TMEM182: variants seen among roughly 807,000 people sequenced by gnomAD.
TMEM182 encodes transmembrane protein 182.
Under a neutral mutation model 26.8 loss-of-function variants are expected in TMEM182, and 20 were observed. That is an observed-to-expected ratio of 0.75 (90% CI 0.53 to 1.09). TMEM182 has a LOEUF of 1.09. Ranked by LOEUF, TMEM182 falls within the 50% of genes least tolerant of loss-of-function variation. TMEM182 has a pLI of 0.00. For synonymous variants in TMEM182, 109 were observed against 102.2 expected, an observed-to-expected ratio of 1.07 and a Z score of -0.40; for missense variants, 277 against 275.5, an observed-to-expected ratio of 1.01 and a Z score of -0.04.
At chr2:102,765,020 CATATATAGAACAA>C (rs1420410808) in intron 3 of TMEM182, among the ~76,000 whole-genome samples, 3 of 151,784 alleles carry the variant, frequency 2.0e-5, no homozygotes, top group Admixed American at 2.0e-4. Flanking sequence ...CTATCAATGT[CATATATAGAACAA>C]AAAAGTGTTT....
intron 3 of TMEM182, among the ~76,000 whole-genome samples, chr2:102,770,571 C>T (rs1325763945): frequency 2.6e-5 from 4 of 152,190 alleles, no homozygotes; most frequent in Non-Finnish European, 5.9e-5. Flanking sequence ...AGAGCCAAAC[C>T]CTACCTCAGG....
intron 3 of TMEM182, among the ~76,000 whole-genome samples, chr2:102,823,375 TG>T (rs1682964190): frequency 6.6e-6 from 1 of 152,102 alleles, no homozygotes. Context: ...AACTGTCGCC[TG>T]GGCTGGAGTG....
At chr2:102,754,288 C>G (rs1301446915) in intron 1 of TMEM182, among the ~76,000 whole-genome samples, 1 of 152,188 alleles carries the variant, frequency 6.6e-6, no homozygotes, top group East Asian at 1.9e-4. Context: ...CTAACACCCA[C>G]TCGTGGAACC....
upstream of TMEM182, among the ~76,000 whole-genome samples, chr2:102,757,165 C>A (rs1680067030): frequency 6.6e-6 from 1 of 152,126 alleles, no homozygotes; most frequent in Non-Finnish European, 1.5e-5. Flanking sequence ...ACATGGGGAG[C>A]AGACCTGCTA....
intron 3 of TMEM182, among the ~76,000 whole-genome samples, chr2:102,766,395 A>G (rs1453498818): frequency 6.6e-6 from 1 of 152,180 alleles, no homozygotes; most frequent in Non-Finnish European, 1.5e-5. Context: ...AAATTATCAA[A>G]TTCCTCATTG....
rs778358755 is a variant in TMEM182 at position 102,814,882 on chromosome 2, T to C, written c.604T>C (p.Phe202Leu). ...TPSVLYGWSF[F>L]LAPAGIFFSL... Reference sequence around the variant, plus strand: ...TTCTGTTCTGTATGGCTGGTCATTTTTCCTGGCCCCAGCTGGGATATTTTT... The same window carrying C: ...TTCTGTTCTGTATGGCTGGTCATTTCTCCTGGCCCCAGCTGGGATATTTTT... Residue 202 changes from phenylalanine to leucine, a missense_variant, in exon 5 of 5, where the codon TTC (phenylalanine) becomes CTC (leucine). Phe to Leu is a conservative substitution (Grantham distance 22). Transcript: ENST00000412401. 6.8e-6 allele frequency: 11 copies of C among 1,613,908 alleles called. No individual in the cohort carries two copies. The African/African-American group carries it at 1.3e-4, about 20-fold the overall frequency.
intron 3 of TMEM182, among the ~76,000 whole-genome samples, chr2:102,839,799 C>G (rs1990587): frequency 0.048 from 7,281 of 152,244 alleles, 224 homozygotes; most frequent in Middle Eastern, 0.062. Context: ...GGTGCTATCA[C>G]TCTCAGCGTG....
chr2:102,765,731 G>A (rs75559428), intron 3 of TMEM182, among the ~76,000 whole-genome samples: 1,720 of 152,296 alleles, frequency 0.011, 40 homozygotes, highest in African/African-American at 0.039. Context: ...GGTCTGGATA[G>A]GGAAAGAGGT....
chr2:102,784,636 G>C (rs1343639647), intron 3 of TMEM182, among the ~76,000 whole-genome samples: 1 of 152,188 alleles, frequency 6.6e-6, no homozygotes, highest in Non-Finnish European at 1.5e-5. Flanking sequence ...ATAAAAGAAT[G>C]GCTACTCCAT....
chr2:102,739,216 G>T (rs1679476516), intron 1 of TMEM182, among the ~76,000 whole-genome samples: 1 of 152,170 alleles, frequency 6.6e-6, no homozygotes, highest in Admixed American at 6.5e-5. Flanking sequence ...TTTAAGGTCA[G>T]CAGGAGTGTA....
intron 1 of TMEM182, among the ~76,000 whole-genome samples, chr2:102,745,897 A>G (rs1019499758): frequency 1.3e-5 from 2 of 152,170 alleles, no homozygotes; most frequent in African/African-American, 4.8e-5. Flanking sequence ...GATATTATGA[A>G]TAATGCTGCT....
At chr2:102,771,067 T>C (rs929861568) in intron 3 of TMEM182, among the ~76,000 whole-genome samples, 19 of 152,190 alleles carry the variant, frequency 1.2e-4, no homozygotes, top group Admixed American at 1.2e-3. Context: ...GGTGTTCATG[T>C]ATGGGGATTC....
At chr2:102,773,762 T>C (rs957421100) in intron 3 of TMEM182, among the ~76,000 whole-genome samples, 3 of 152,132 alleles carry the variant, frequency 2.0e-5, no homozygotes, top group Non-Finnish European at 4.4e-5. Context: ...AGAGAGTCCA[T>C]TTAGGAGATT....
In TMEM182 at chr2:102,762,235, T is replaced by C. The variant is rs1558757023; in HGVS notation, c.18T>C (p.Ala6=). 2 of 1,613,388 alleles carry C rather than the reference T, an allele frequency of 1.2e-6. No homozygotes were observed. The highest frequency in any genetic ancestry group is 1.7e-6 in the Non-Finnish European group (2 of 1,179,578). MRLNI[A]IFFGALFGAL... ...AATTGAAAATGAGACTAAATATCGC[T>C]ATCTTCTTTGGAGCTCTCTTTGGTG... is the stretch of plus-strand genomic sequence containing the variant. Residue 6 remains alanine (A), a synonymous_variant, in exon 1 of 5, where the codon GCT becomes GCC. Coordinates refer to ENST00000412401, the MANE Select transcript of TMEM182 (RefSeq NM_144632.5).
intron 3 of TMEM182, chr2:102,797,642 C>T (rs1363626450): frequency 2.0e-6 from 1 of 503,436 alleles, no homozygotes; most frequent in African/African-American, 1.9e-5. Flanking sequence ...AAACATTGAG[C>T]AAGAGGAGTT....
At chr2:102,793,450 G>A (rs997523714) in intron 3 of TMEM182, among the ~76,000 whole-genome samples, 1 of 152,152 alleles carries the variant, frequency 6.6e-6, no homozygotes, top group African/African-American at 2.4e-5. Flanking sequence ...TTAAAGAGAT[G>A]TTCCAACCTC....
At chr2:102,763,425 T>G (rs1680295592) in intron 2 of TMEM182, among the ~76,000 whole-genome samples, 1 of 152,202 alleles carries the variant, frequency 6.6e-6, no homozygotes, top group South Asian at 2.1e-4. Flanking sequence ...GCCTAAAGCT[T>G]ATTGAGAATT....
chr2:102,832,237 T>G (rs567026689), intron 3 of TMEM182, among the ~76,000 whole-genome samples: 1 of 152,226 alleles, frequency 6.6e-6, no homozygotes, highest in Non-Finnish European at 1.5e-5. Context: ...ATTTAAGTAG[T>G]TCTCCTCAAT....
At chr2:102,818,610 G>C (rs1422761275), downstream of TMEM182, among the ~76,000 whole-genome samples, 2 of 152,086 alleles carry the variant, frequency 1.3e-5, no homozygotes, top group East Asian at 3.9e-4. Context: ...TCAGCTTTTT[G>C]AAAGATCATC....
Sources: allele counts gnomAD v4.1 joint callset (sites outside exome capture counted in the v4.1 genomes callset), GRCh38; gene constraint gnomAD v4.1.1; transcripts MANE v1.5; gene names NCBI Gene and HGNC (gene_info 2026-07-23, HGNC 2026-07-21).